PDGFRB: variants seen among roughly 807,000 people sequenced by gnomAD.
PDGFRB encodes the protein platelet derived growth factor receptor beta.
A neutral mutation model predicts 120.2 loss-of-function variants in PDGFRB; 42 were observed. The ratio of observed to expected loss-of-function variants is 0.35; its 90% confidence interval spans 0.27 to 0.45. PDGFRB has a LOEUF of 0.45. Ranked by LOEUF, PDGFRB falls within the 20% of genes least tolerant of loss-of-function variation. The pLI is 1.00. For missense variants in PDGFRB, 1,149 were observed against 1,476.3 expected (o/e 0.78, Z 3.63); for synonymous variants, 586 against 606.8 (o/e 0.97, Z 0.50).
intron 10 of PDGFRB, among the ~76,000 whole-genome samples, chr5:150,127,190 G>A (rs1760318607): frequency 6.6e-6 from 1 of 152,214 alleles, no homozygotes; most frequent in African/African-American, 2.4e-5. Flanking sequence ...GGGTTGGAGT[G>A]GTGACGGTAG....
At chr5:150,123,955 A>G (rs1190291572) in intron 14 of PDGFRB, among the ~76,000 whole-genome samples, 1 of 152,226 alleles carries the variant, frequency 6.6e-6, no homozygotes, top group African/African-American at 2.4e-5. Flanking sequence ...GTGAGCTGTT[A>G]TTTATTGGTT....
intron 1 of PDGFRB, among the ~76,000 whole-genome samples, chr5:150,142,276 C>T (rs1486979793): frequency 6.6e-6 from 1 of 152,182 alleles, no homozygotes; most frequent in Admixed American, 6.5e-5. Context: ...CGCCTCCAGC[C>T]CCTGCTAAGA....
intron 21 of PDGFRB, 106 bp from the exon 22 acceptor site, chr5:150,117,956 C>A (rs1454214257): frequency 1.5e-6 from 1 of 665,036 alleles, no homozygotes; most frequent in African/African-American, 1.8e-5. Context: ...ATAAGACCCC[C>A]GCTGCTCAGA....
Position 150,133,638 on chromosome 5 carries a change from C to G in PDGFRB, c.882G>C (p.Thr294=). ...EDSGTYTCNV[T]ESVNDHQDEK... ...CATCCTGATGGTCATTCACACTCTC[C>G]GTCACATTGCAGGTGTAGGTCCCCG... The change falls in exon 6 of 23, where the codon ACG becomes ACC. Residue 294 remains threonine (T), a synonymous_variant. Transcript: ENST00000261799. 6.2e-7 allele frequency: 1 copy of G among 1,614,058 alleles called. No homozygotes were observed. Among genetic ancestry groups the G allele is most frequent in the South Asian group, 1.1e-5 (1 of 91,074 alleles).
chr5:150,129,670 T>C, intron 10 of PDGFRB, 87 bp downstream of exon 10: 2 of 1,123,300 alleles, frequency 1.8e-6, no homozygotes, highest in East Asian at 2.5e-5. Flanking sequence ...TCCTTTGGCC[T>C]GCTGTGGGTA....
rs144757799 is a variant in PDGFRB at position 150,135,587 on chromosome 5, T to C, written c.332A>G (p.Asp111Gly). 1 of 1,612,478 alleles carries C rather than the reference T, an allele frequency of 6.2e-7. No homozygotes were observed. Among genetic ancestry groups the C allele is most frequent in the African/African-American group, 1.3e-5 (1 of 75,014 alleles). ...AAAGATGTAGAGCCGTTTCCGCTCA[T>C]CGGTCTCCAGTCCACGGGAGTCATT... ...THNDSRGLETDERKRLYIFVP... is the reference protein window; with the variant it reads ...THNDSRGLETGERKRLYIFVP... The change falls in exon 3 of 23, where the codon GAT (aspartate) becomes GGT (glycine). Residue 111 changes from aspartate (D) to glycine (G), a missense_variant. By Grantham distance (94) the Asp-to-Gly change is moderately conservative (BLOSUM62 -1). Transcript: ENST00000261799.
In PDGFRB at chr5:150,155,805, TCCTGGGTC is replaced by T; in HGVS notation, c.-423_-416del. On this transcript the variant is annotated 5_prime_UTR_variant, in exon 1 of 23. Coordinates refer to ENST00000261799, the MANE Select transcript of PDGFRB (RefSeq NM_002609.4). Reference sequence around the variant, plus strand: ...TGGCTCCAAGTTGCTCACAGAGCGATCCTGGGTCCCAGATAGGGCGGGCAGTCACTGCT... The same window carrying T: ...TGGCTCCAAGTTGCTCACAGAGCGATCCAGATAGGGCGGGCAGTCACTGCT... 1 of 397,700 alleles carries T rather than the reference TCCTGGGTC, an allele frequency of 2.5e-6. No individual in the cohort carries two copies. Among genetic ancestry groups the T allele is most frequent in the Middle Eastern group, 6.3e-4 (1 of 1,586 alleles). The allele number at this position is 397,700 out of a possible 1,614,324, so 24.6% of individuals were successfully genotyped here. A position where few individuals can be genotyped will look rare whatever the true frequency, so the allele number is the denominator to read the frequency against.
intron 19 of PDGFRB, 119 bp from the exon 20 acceptor site, chr5:150,119,685 CCTGGCATTTGGAA>C (rs1307182794): frequency 4.4e-6 from 3 of 684,960 alleles, no homozygotes; most frequent in African/African-American, 3.5e-5. Context: ...GGGCAGTGCC[CCTGGCATTTGGAA>C]CTGTGGGCTC....
intron 1 of PDGFRB, among the ~76,000 whole-genome samples, chr5:150,152,395 A>G (rs1305345421): frequency 6.6e-6 from 1 of 152,134 alleles, no homozygotes; most frequent in African/African-American, 2.4e-5. Flanking sequence ...TTCCCAGCTG[A>G]GGTGCTACAA....
At position 150,130,580 on chromosome 5, in the gene PDGFRB, G is replaced by T; in HGVS notation, c.1326C>A (p.Pro442=). ...AGGCAGACCAGATGATGTTCGGCTG[G>T]GGCATGCCCCGGCCACGACAGCGGA... ...QTVRCRGRGM[P]QPNIIWSACR... is the part of the protein sequence containing the mutation. Residue 442 remains proline (P), a synonymous_variant, in exon 9 of 23, where the codon CCC becomes CCA. Coordinates refer to ENST00000261799, the MANE Select transcript of PDGFRB (RefSeq NM_002609.4). 1 of 1,612,578 alleles carries T rather than the reference G, an allele frequency of 6.2e-7. No homozygotes were observed. The highest frequency in any genetic ancestry group is 1.1e-5 in the South Asian group (1 of 90,936).
chr5:150,137,216 C>G, intron 1 of PDGFRB, 163 bp from the exon 2 acceptor site: 1 of 591,630 alleles, frequency 1.7e-6, no homozygotes, highest in Non-Finnish European at 3.0e-6. Context: ...TGAAAGGGCA[C>G]TCATGACCAC....
At position 150,121,831 on chromosome 5, in the gene PDGFRB, A is replaced by C. The variant is rs1164502520; in HGVS notation, c.2344+49T>G. Reference sequence around the variant, plus strand: ...TTTTGGCAAGGCTGGGCATGTGAAGAGCATCAGCCTGTTTGGATGTGGGGT... The same window carrying C: ...TTTTGGCAAGGCTGGGCATGTGAAGCGCATCAGCCTGTTTGGATGTGGGGT... On this transcript the variant is annotated intron_variant, in intron 16 of 22. Coordinates refer to ENST00000261799, the MANE Select transcript of PDGFRB (RefSeq NM_002609.4). The surrounding 1 kb of genome is among the most constrained non-coding windows in gnomAD (Gnocchi z 4.1). The C allele has an allele frequency of 7.1e-7, 1 of 1,407,766 alleles. No homozygotes were observed. The highest frequency in any genetic ancestry group is 1.0e-6 in the Non-Finnish European group (1 of 998,102). 87.2% of individuals were successfully genotyped at this position (1,407,766 alleles called of 1,614,324 possible).
Position 150,121,305 on chromosome 5 carries a change from G to A in PDGFRB, c.2362C>T (p.Arg788Ter), listed in dbSNP as rs1320275282. The change falls in exon 17 of 23, where the codon CGA becomes TGA. Residue 788 changes from arginine (R) to a stop codon, truncating the protein, a stop_gained. Transcript: ENST00000261799. LOFTEE classifies it high-confidence loss of function. This position sits in a 1 kb window ranked among gnomAD's most constrained non-coding sequence, Gnocchi z 4.1. ...GGAGACTCGTTGATCAAAGTTGCTC[G>A]GCAGGTCCTCTCAGGGGCTAGAGGA... ...YVPSAPERTCRATLINESPVL... is the reference protein window; with the variant it reads ...YVPSAPERTC The A allele has an allele frequency of 4.4e-6, 7 of 1,573,160 alleles. No individual in the cohort carries two copies. Among genetic ancestry groups the A allele is most frequent in the Non-Finnish European group, 6.1e-6 (7 of 1,142,684 alleles).
In PDGFRB at chr5:150,119,564, CA is replaced by C; in HGVS notation, c.2700del (p.Gly901AlafsTer9). 6.3e-7 allele frequency: 1 copy of C among 1,599,676 alleles called. No individual in the cohort carries two copies. Among genetic ancestry groups the C allele is most frequent in the East Asian group, 2.2e-5 (1 of 44,802 alleles). On this transcript the variant is annotated frameshift_variant and splice_region_variant, in exon 20 of 23. Coordinates refer to ENST00000261799, the MANE Select transcript of PDGFRB (RefSeq NM_002609.4). LOFTEE classifies it high-confidence loss of function. ...GILLWEIFTL[G>X]GTPYPELPMN... ...ATGGGCAGCTCTGGGTAAGGGGTGC[CA>C]CCTGTTGGGGAGCAGAGACAAGAGA...
At chr5:150,148,962 G>A (rs776506941) in intron 1 of PDGFRB, among the ~76,000 whole-genome samples, 1 of 152,226 alleles carries the variant, frequency 6.6e-6, no homozygotes, top group East Asian at 1.9e-4. Context: ...GGGCTCTTCA[G>A]CAAACAGGTA....
rs554510811 is a variant in PDGFRB at position 150,124,359 on chromosome 5, G to A, written c.1914C>T (p.Ser638=). 1.4e-5 allele frequency: 22 copies of A among 1,613,512 alleles called. No homozygotes were observed. The South Asian group carries it at 2.3e-4, about 17-fold the overall frequency. The change falls in exon 14 of 23, where the codon TCC becomes TCT. Residue 638 remains serine, a splice_region_variant and synonymous_variant. Transcript: ENST00000261799. ...CTTGCTTCTCACTGCTGCGGGCTGT[G>A]GCTGAGGAAAATGGGGGCCCCAGGC... is the stretch of plus-strand genomic sequence containing the variant. ...TMKVAVKMLK[S]TARSSEKQAL...
chr5:150,135,195 G>T (rs1008730043), intron 3 of PDGFRB, among the ~76,000 whole-genome samples, 179 bp from the exon 4 acceptor site: 22 of 152,196 alleles, frequency 1.4e-4, no homozygotes, highest in Admixed American at 8.5e-4. Flanking sequence ...TCTAATGTTT[G>T]ATATTGACAG....
At chr5:150,151,322 C>T (rs558524821) in intron 1 of PDGFRB, among the ~76,000 whole-genome samples, 4 of 152,130 alleles carry the variant, frequency 2.6e-5, no homozygotes, top group South Asian at 2.1e-4. Context: ...CAGAAGGGAA[C>T]GATCTGTGCA....
chr5:150,133,541 G>A (rs1255395241), intron 6 of PDGFRB, 45 bp downstream of exon 6: 6 of 1,513,878 alleles, frequency 4.0e-6, no homozygotes, highest in Non-Finnish European at 5.5e-6. Flanking sequence ...TGAGGGTGGG[G>A]AGCGTTGAAG....
Sources: gnomAD v4.1 joint callset for allele counts (sites outside exome capture counted in the v4.1 genomes callset) on GRCh38, gnomAD v4.1.1 for gene constraint, Gnocchi (gnomAD v3.1) non-coding constraint, MANE v1.5 for transcripts, NCBI Gene and HGNC (gene_info 2026-07-23, HGNC 2026-07-21) for gene names.